Variants in CAPN1 observed in about 807,000 individuals in gnomAD.
CAPN1 encodes the protein calpain-1 catalytic subunit.
In CAPN1, 77 loss-of-function variants were observed where a neutral mutation model predicts 105.2. The observed-to-expected ratio is 0.73, with a 90% CI of 0.61 to 0.88. CAPN1 has a LOEUF of 0.88. Among genes scored for constraint, CAPN1 ranks in the 40% least tolerant of loss-of-function variants. CAPN1 has a pLI of 0.00. For synonymous variants in CAPN1, 355 were observed against 388.8 expected (o/e 0.91, Z 1.02); for missense variants, 833 against 976.6 (o/e 0.85, Z 1.96).
intron 5 of CAPN1, 42 bp downstream of exon 5, chr11:65,186,092 C>T (rs779878246): frequency 1.8e-5 from 29 of 1,607,568 alleles, no homozygotes; most frequent in Middle Eastern, 1.6e-4. Flanking sequence ...TCCAGCTCCC[C>T]CTAGGGGTGG....
chr11:65,204,635 G>A (rs1322044756), intron 10 of CAPN1, 48 bp from the exon 11 acceptor site: 2 of 1,569,890 alleles, frequency 1.3e-6, no homozygotes, highest in Admixed American at 1.7e-5. Context: ...GGGCCAATTG[G>A]CTCTGCCCCG....
chr11:65,186,434 C>A (rs1037201751), intron 6 of CAPN1, 96 bp downstream of exon 6: 36 of 1,100,438 alleles, frequency 3.3e-5, no homozygotes, highest in Non-Finnish European at 4.4e-5. Context: ...CCGCTCCAGA[C>A]CCTGTCCTGC....
chr11:65,208,962 C>T lies in CAPN1; in HGVS notation c.1730-361C>T, dbSNP rs1046418276. On this transcript the variant is annotated intron_variant, in intron 16 of 21. Coordinates refer to ENST00000279247, the MANE Select transcript of CAPN1 (RefSeq NM_005186.4). This position sits in a 1 kb window ranked among gnomAD's most constrained non-coding sequence, Gnocchi z 4.1. ...TTGCTGCCACTGACCTCCATCCACA[C>T]GGTTTCCTTAAGCAGAGCTTTTCTC... 9.7e-6 allele frequency: 3 copies of T among 308,472 alleles called. No homozygotes were observed. The highest frequency in any genetic ancestry group is 3.6e-5 in the South Asian group (1 of 27,858). 19.1% of individuals were successfully genotyped at this position (308,472 alleles called of 1,614,324 possible). A position where few individuals can be genotyped will look rare whatever the true frequency, so the allele number is the denominator to read the frequency against.
At position 65,209,659 on chromosome 11, in the gene CAPN1, C is replaced by A. The variant is rs1020888202; in HGVS notation, c.1795-190C>A. ...CTATTTCTGACCCCTCCCCAGCCCA[C>A]TCCACTGCAGCCCAGCTCAGAGAAT... On this transcript the variant is annotated intron_variant, in intron 17 of 21. Transcript: ENST00000279247. The surrounding 1 kb of genome is among the most constrained non-coding windows in gnomAD (Gnocchi z 4.1). 1.7e-5 allele frequency: 11 copies of A among 660,200 alleles called. No homozygotes were observed. The highest frequency in any genetic ancestry group is 2.7e-5 in the Non-Finnish European group (10 of 376,242). 40.9% of individuals were successfully genotyped at this position (660,200 alleles called of 1,614,324 possible). A position where few individuals can be genotyped will look rare whatever the true frequency, so the allele number is the denominator to read the frequency against.
At chr11:65,182,545 G>A (rs2137304400) in intron 1 of CAPN1, 156 bp from the exon 2 acceptor site, 1 of 738,066 alleles carries the variant, frequency 1.4e-6, no homozygotes, top group East Asian at 2.8e-5. Context: ...CCGGGAGGTG[G>A]CTGAGAACCC....
chr11:65,182,953 G>T lies in CAPN1; in HGVS notation c.252G>T (p.Lys84Asn). ...GPNSSKTYGIKWKRPTELLSN... is the reference protein window; with the variant it reads ...GPNSSKTYGINWKRPTELLSN... The stretch of plus-strand genomic sequence containing the variant: ...ATTCCTCCAAGACCTATGGCATCAA[G>T]TGGAAGCGTCCCACGGTGAGAGGGG... The change falls in exon 2 of 22, where the codon AAG becomes AAT. Residue 84 changes from lysine to asparagine, a missense_variant. Coordinates refer to ENST00000279247, the MANE Select transcript of CAPN1 (RefSeq NM_005186.4). 1 of 1,613,582 alleles carries T rather than the reference G, an allele frequency of 6.2e-7. No individual in the cohort carries two copies. The highest frequency in any genetic ancestry group is 1.1e-5 in the South Asian group (1 of 91,052).
intron 10 of CAPN1, among the ~76,000 whole-genome samples, chr11:65,197,363 G>A (rs1020546662): frequency 3.3e-5 from 5 of 151,930 alleles, no homozygotes; most frequent in African/African-American, 9.7e-5. Context: ...TCTTATAAGC[G>A]CCTAGTGAAT....
In CAPN1 at chr11:65,186,313, G is replaced by C; in HGVS notation, c.734G>C (p.Gly245Ala). 1 of 1,612,818 alleles carries C rather than the reference G, an allele frequency of 6.2e-7. No homozygotes were observed. The highest frequency in any genetic ancestry group is 8.5e-7 in the Non-Finnish European group (1 of 1,179,330). The change falls in exon 6 of 22, where the codon GGC becomes GCC. Residue 245 changes from glycine to alanine, a missense_variant. Gly to Ala is a moderately conservative substitution (Grantham distance 60, BLOSUM62 0). Transcript: ENST00000279247. ...YQIILKALER[G>A]SLLGCSIDIS... Reference sequence around the variant, plus strand: ...ATCATCCTCAAGGCGCTGGAGCGGGGCTCCCTGCTGGGCTGCTCCATAGAC... The same window carrying C: ...ATCATCCTCAAGGCGCTGGAGCGGGCCTCCCTGCTGGGCTGCTCCATAGAC...
Position 65,188,412 on chromosome 11 carries a change from A to G in CAPN1, c.930-2A>G. 6.2e-7 allele frequency: 1 copy of G among 1,609,206 alleles called. No homozygotes were observed. Among genetic ancestry groups the G allele is most frequent in the Non-Finnish European group, 8.5e-7 (1 of 1,177,778 alleles). On this transcript the variant is annotated splice_acceptor_variant, in intron 8 of 21. Transcript: ENST00000279247. LOFTEE classifies it high-confidence loss of function. This position sits in a 1 kb window ranked among gnomAD's most constrained non-coding sequence, Gnocchi z 5.5. ...GCCCTGGCAGAGCCCTGCTCCTCAC[A>G]GCTCCTCAGAGTGGAACAACGTGGA...
chr11:65,206,909 TC>T (rs1948969751), intron 14 of CAPN1, 90 bp downstream of exon 14: 3 of 1,240,690 alleles, frequency 2.4e-6, no homozygotes, highest in Non-Finnish European at 2.3e-6. Flanking sequence ...TCCCCTGAGT[TC>T]CTGCTAACAG....
Position 65,182,779 on chromosome 11 carries a change from G to A in CAPN1, c.78G>A (p.Leu26=). 1 of 1,580,928 alleles carries A rather than the reference G, an allele frequency of 6.3e-7. No homozygotes were observed. The highest frequency in any genetic ancestry group is 1.3e-5 in the African/African-American group (1 of 74,134). The change falls in exon 2 of 22, where the codon CTG becomes CTA. Residue 26 remains leucine, a synonymous_variant. Coordinates refer to ENST00000279247, the MANE Select transcript of CAPN1 (RefSeq NM_005186.4). The stretch of plus-strand genomic sequence containing the variant: ...TGCAGAAGCAGCGGGCCAGGGAGCT[G>A]GGCCTGGGCCGCCATGAGAATGCCA... The part of the protein sequence containing the change: ...AQVQKQRARE[L]GLGRHENAIK...
intron 13 of CAPN1, 40 bp from the exon 14 acceptor site, chr11:65,206,739 GT>G: frequency 1.2e-6 from 2 of 1,611,644 alleles, no homozygotes; most frequent in Non-Finnish European, 1.7e-6. Context: ...GCCCTCTGCT[GT>G]CCCCCTCTGA....
intron 10 of CAPN1, among the ~76,000 whole-genome samples, chr11:65,196,757 TA>T (rs899186142): frequency 4.1e-4 from 63 of 152,280 alleles, no homozygotes; most frequent in Non-Finnish European, 7.4e-4. Context: ...TTTTAAAACA[TA>T]AAAAAATTTC....
At position 65,208,157 on chromosome 11, in the gene CAPN1, A is replaced by T; in HGVS notation, c.1671+37A>T. ...CATGGCAGGTTGGGAGGGGCCTGTGAGGGGCAGCCCTCTCCTGGGGCAGGT... is the reference window on the plus strand; with the variant it reads ...CATGGCAGGTTGGGAGGGGCCTGTGTGGGGCAGCCCTCTCCTGGGGCAGGT... On this transcript the variant is annotated intron_variant, in intron 15 of 21. Transcript: ENST00000279247. This position sits in a 1 kb window ranked among gnomAD's most constrained non-coding sequence, Gnocchi z 4.1. 6.3e-7 allele frequency: 1 copy of T among 1,596,914 alleles called. No homozygotes were observed. Among genetic ancestry groups the T allele is most frequent in the South Asian group, 1.1e-5 (1 of 88,334 alleles).
Position 65,188,802 on chromosome 11 carries a change from G to C in CAPN1, c.1165+56G>C. The C allele has an allele frequency of 1.4e-6, 2 of 1,439,162 alleles. No homozygotes were observed. Among genetic ancestry groups the C allele is most frequent in the Non-Finnish European group, 1.9e-6 (2 of 1,054,754 alleles). The allele number at this position is 1,439,162 out of a possible 1,614,324, so 89.1% of individuals were successfully genotyped here. The stretch of plus-strand genomic sequence containing the variant: ...CTTCCTGGCTTAGGGGCTCCAGAAG[G>C]CACGTCATCTTACTGAGCCTCCGTT... On this transcript the variant is annotated intron_variant, in intron 10 of 21. Transcript: ENST00000279247. This position sits in a 1 kb window ranked among gnomAD's most constrained non-coding sequence, Gnocchi z 5.5.
At position 65,206,470 on chromosome 11, in the gene CAPN1, G is replaced by A; in HGVS notation, c.1361G>A (p.Gly454Asp). The A allele has an allele frequency of 6.2e-7, 1 of 1,612,568 alleles. No individual in the cohort carries two copies. The highest frequency in any genetic ancestry group is 8.5e-7 in the Non-Finnish European group (1 of 1,179,756). The change falls in exon 13 of 22, where the codon GGC becomes GAC. Residue 454 changes from glycine to aspartate, a missense_variant. Physicochemically the swap from Gly to Asp is moderately conservative, Grantham distance 94. Transcript: ENST00000279247. ...CCTCCTCCCTCCCACCAGCTGGTGG[G>A]CCAGCCGGCCGTACACTTGAAGCGT... ...AVYEVPPELV[G>D]QPAVHLKRDF...
intron 10 of CAPN1, among the ~76,000 whole-genome samples, chr11:65,202,126 A>C (rs1017143449): frequency 2.0e-5 from 3 of 151,888 alleles, no homozygotes; most frequent in Admixed American, 6.6e-5. Flanking sequence ...CGCCCAGCCT[A>C]ATTTTCTTTC....
At chr11:65,191,523 C>T (rs983264496) in intron 10 of CAPN1, among the ~76,000 whole-genome samples, 3 of 152,058 alleles carry the variant, frequency 2.0e-5, no homozygotes, top group African/African-American at 7.2e-5. Flanking sequence ...GGATTACAGG[C>T]GTGCGGCACC....
chr11:65,187,589 T>G (rs1360932864), intron 7 of CAPN1: 1 of 510,664 alleles, frequency 2.0e-6, no homozygotes, highest in Non-Finnish European at 3.6e-6. Flanking sequence ...AGGCGGAGTG[T>G]TAAAGTGCGT....
Sources: allele counts gnomAD v4.1 joint callset (sites outside exome capture counted in the v4.1 genomes callset), GRCh38; gene constraint gnomAD v4.1.1; non-coding constraint Gnocchi (gnomAD v3.1); transcripts MANE v1.5; gene names NCBI Gene and HGNC (gene_info 2026-07-23, HGNC 2026-07-21).